DMD: variants seen among roughly 807,000 people sequenced by gnomAD.
DMD encodes dystrophin.
A neutral mutation model predicts 330.1 loss-of-function variants in DMD; 63 were observed. The observed-to-expected ratio is 0.19, with a 90% CI of 0.16 to 0.24. The LOEUF (loss-of-function observed/expected upper bound fraction) is 0.24, where lower values mean the gene tolerates loss of function less well. Ranked by LOEUF, DMD falls within the 10% of genes least tolerant of loss-of-function variation. DMD has a pLI of 1.00. For missense variants in DMD, 3,344 were observed against 2,684.1 expected, an observed-to-expected ratio of 1.25 and a Z score of -5.43; for synonymous variants, 1,223 against 959.8, an observed-to-expected ratio of 1.27 and a Z score of -5.07.
chrX:32,027,164 G>GCGCGCACA (rs1557075784), intron 44 of DMD, among the ~76,000 whole-genome samples: 2 of 89,517 alleles, frequency 2.2e-5, no homozygotes, highest in Non-Finnish European at 2.1e-5. Flanking sequence ...ACACGCACGT[G>GCGCGCACA]CACACACACA....
rs773768191 is a variant in DMD, at chrX:32,166,155, A to G, written c.6438+50761T>C. On this transcript the variant is annotated intron_variant, in intron 44 of 78. Transcript: ENST00000357033. The stretch of plus-strand genomic sequence containing the variant: ...CAAAGAGGTCTGCCCAGACTGCCAT[A>G]TATAAAACATCAATTTCGGCTGGGC... 4.5e-5 allele frequency among the ~76,000 whole-genome samples: 5 copies of G among 111,395 alleles called. No homozygotes were observed. In the South Asian group the frequency reaches 1.9e-3, roughly 42 times the overall value.
chrX:31,659,930 G>A (rs57795940), intron 53 of DMD, among the ~76,000 whole-genome samples: 17,367 of 110,946 alleles, frequency 0.16, 1,132 homozygotes, highest in East Asian at 0.36. Context: ...GTTCTTTTGC[G>A]TTAGTATGAT....
intron 9 of DMD, among the ~76,000 whole-genome samples, chrX:32,695,419 G>T (rs987892776): frequency 1.1e-4 from 12 of 111,897 alleles, no homozygotes; most frequent in African/African-American, 3.9e-4. Context: ...CATGAAATAC[G>T]TGTGTAATGA....
At chrX:31,515,780 G>A (rs1433861758) in intron 55 of DMD, among the ~76,000 whole-genome samples, 3 of 111,734 alleles carry the variant, frequency 2.7e-5, no homozygotes, top group African/African-American at 6.5e-5. Context: ...GTTTTATAGC[G>A]AAGCAAAATA....
chrX:32,092,930 G>T (rs768728721), intron 44 of DMD, among the ~76,000 whole-genome samples: 13 of 109,164 alleles, frequency 1.2e-4, no homozygotes, highest in Non-Finnish European at 2.5e-4. Flanking sequence ...AACACTAAGT[G>T]ACCTTACACT....
intron 1 of DMD, among the ~76,000 whole-genome samples, chrX:33,177,157 A>G (rs2049711713): frequency 9.0e-6 from 1 of 110,702 alleles, no homozygotes; most frequent in Non-Finnish European, 1.9e-5. Flanking sequence ...TTGCAAACTG[A>G]CCTGAGGTGG....
intron 62 of DMD, among the ~76,000 whole-genome samples, chrX:31,263,368 C>G (rs145198663): frequency 0.016 from 1,744 of 112,413 alleles, 28 homozygotes; most frequent in African/African-American, 0.052. Flanking sequence ...AGCTCCCCAT[C>G]TTCTAAAGAA....
At chrX:32,266,509 G>T (rs772294025) in intron 43 of DMD, among the ~76,000 whole-genome samples, 17 of 112,055 alleles carry the variant, frequency 1.5e-4, no homozygotes, top group African/African-American at 2.9e-4. Context: ...ATTAATAAGA[G>T]AATTTTTTTG....
chrX:32,777,277 T>TGGGGGGGGGGGGGGGTGGGG (rs546914107), intron 7 of DMD, among the ~76,000 whole-genome samples: 5 of 2,111 alleles, frequency 2.4e-3, no homozygotes, highest in African/African-American at 6.2e-3. Context: ...GGTTTCTGGT[T>TGGGGGGGGGGGGGGGTGGGG]GGGGGGGGAA....
At chrX:32,121,701 C>T (rs1279725067) in intron 44 of DMD, among the ~76,000 whole-genome samples, 5 of 78,800 alleles carry the variant, frequency 6.3e-5, no homozygotes, top group African/African-American at 9.6e-5. Flanking sequence ...AGTGTATCTG[C>T]GGAGAGCAGA....
chrX:32,622,790 C>T (rs2058084109), intron 11 of DMD, among the ~76,000 whole-genome samples: 1 of 111,471 alleles, frequency 9.0e-6, no homozygotes, highest in South Asian at 3.8e-4. Flanking sequence ...ATCACAGCTT[C>T]TCAAACTTAA....
At chrX:31,743,860 CTTT>C (rs781720894) in intron 51 of DMD, among the ~76,000 whole-genome samples, 1 of 103,783 alleles carries the variant, frequency 9.6e-6, no homozygotes, top group Non-Finnish European at 2.0e-5. Context: ...AAATGTTTGT[CTTT>C]TTTTTTTTTT....
chrX:33,105,494 C>G (rs927538477), intron 1 of DMD, among the ~76,000 whole-genome samples: 1 of 111,930 alleles, frequency 8.9e-6, no homozygotes, highest in Admixed American at 9.5e-5. Context: ...AACAGAAAAC[C>G]GACAGAATGG....
At chrX:33,281,788 C>T (rs988306891) in intron 1 of DMD, among the ~76,000 whole-genome samples, 2 of 107,316 alleles carry the variant, frequency 1.9e-5, no homozygotes, top group Non-Finnish European at 3.8e-5. Flanking sequence ...GTTTTATTTT[C>T]AGAGTATTTC....
chrX:32,828,157 G>C (rs968157430), intron 4 of DMD, among the ~76,000 whole-genome samples: 1 of 111,443 alleles, frequency 9.0e-6, no homozygotes, highest in Admixed American at 9.6e-5. Context: ...CCCCATCTTT[G>C]CTACTGTGAA....
At chrX:32,800,556 A>G (rs1042550445) in intron 7 of DMD, among the ~76,000 whole-genome samples, 2 of 111,716 alleles carry the variant, frequency 1.8e-5, no homozygotes, top group African/African-American at 6.5e-5. Context: ...AGTAAACTTT[A>G]AGAAACTTTT....
chrX:32,815,017 G>T (rs970721132), intron 6 of DMD, among the ~76,000 whole-genome samples: 4 of 111,275 alleles, frequency 3.6e-5, no homozygotes, highest in Admixed American at 9.6e-5. Context: ...TCATCTAACT[G>T]TATTGAGGCT....
chrX:32,694,857 T>C (rs994075357), intron 9 of DMD, among the ~76,000 whole-genome samples: 1 of 111,168 alleles, frequency 9.0e-6, no homozygotes, highest in African/African-American at 3.3e-5. Context: ...GGTTTTACCA[T>C]GTTGGTTCGG....
At chrX:33,208,495 C>T (rs1384890642) in intron 1 of DMD, among the ~76,000 whole-genome samples, 36 of 110,836 alleles carry the variant, frequency 3.2e-4, no homozygotes, top group African/African-American at 3.3e-5. Flanking sequence ...CCCATAAATC[C>T]TTTCTTCCTG....
Sources: allele counts gnomAD v4.1 joint callset (sites outside exome capture counted in the v4.1 genomes callset), GRCh38; gene constraint gnomAD v4.1.1; transcripts MANE v1.5; gene names NCBI Gene and HGNC (gene_info 2026-07-23, HGNC 2026-07-21).